The following NAA60 variants were observed in gnomAD, a reference collection of about 807,000 sequenced individuals.
NAA60 encodes N-alpha-acetyltransferase 60.
Under a neutral mutation model 26.1 loss-of-function variants are expected in NAA60, and 8 were observed. That is an observed-to-expected ratio of 0.31 (90% confidence interval 0.18 to 0.55). NAA60 has a LOEUF of 0.55. Ranked by LOEUF, NAA60 falls within the 20% of genes least tolerant of loss-of-function variation. The pLI, the probability that NAA60 is intolerant of heterozygous loss-of-function variation, is 0.93. For missense variants in NAA60, 290 were observed against 311.3 expected, an observed-to-expected ratio of 0.93 and a Z score of 0.51; for synonymous variants, 131 against 122.5, an observed-to-expected ratio of 1.07 and a Z score of -0.46.
chr16:3,471,907 G>A (rs1244447407), intron 2 of NAA60, among the ~76,000 whole-genome samples: 8 of 152,148 alleles, frequency 5.3e-5, no homozygotes, highest in Admixed American at 3.9e-4. Context: ...AGGCTGAATC[G>A]AGGAACCAGC....
At chr16:3,462,432 A>T (rs769878927) in intron 2 of NAA60, among the ~76,000 whole-genome samples, 10 of 151,928 alleles carry the variant, frequency 6.6e-5, no homozygotes, top group African/African-American at 1.5e-4. Flanking sequence ...GCTCATTCTG[A>T]CTCCTGCTGT....
At chr16:3,463,149 A>T (rs777808649) in intron 2 of NAA60, among the ~76,000 whole-genome samples, 1 of 152,152 alleles carries the variant, frequency 6.6e-6, no homozygotes, top group African/African-American at 2.4e-5. Context: ...CGCTGAGTCT[A>T]TTTTAGAGCA....
chr16:3,467,299 G>T (rs879915178), intron 2 of NAA60, among the ~76,000 whole-genome samples: 7 of 151,976 alleles, frequency 4.6e-5, no homozygotes, highest in Non-Finnish European at 1.0e-4. Flanking sequence ...CAGAGTGCAG[G>T]TAGGGACTGG....
chr16:3,466,187 CAT>C, intron 2 of NAA60, among the ~76,000 whole-genome samples: 1 of 152,368 alleles, frequency 6.6e-6, no homozygotes, highest in South Asian at 2.1e-4. Context: ...TCCAGAGTGT[CAT>C]AAAAACAGAA....
intron 3 of NAA60, 38 bp from the exon 4 acceptor site, chr16:3,479,433 C>T (rs554714836): frequency 1.9e-6 from 3 of 1,607,812 alleles, no homozygotes; most frequent in African/African-American, 2.7e-5. Context: ...TTGGACTTGA[C>T]CTGTGGCAGG....
chr16:3,476,738 T>C (rs532944132), intron 3 of NAA60, among the ~76,000 whole-genome samples: 3 of 152,316 alleles, frequency 2.0e-5, no homozygotes, highest in South Asian at 2.1e-4. Flanking sequence ...CAAAGAGTTA[T>C]ATTTTTTGAT....
In NAA60 at chr16:3,486,948, A is replaced by G. The variant is rs952622457; in HGVS notation, c.*1688A>G. On this transcript the variant is annotated 3_prime_UTR_variant, in exon 8 of 8. Transcript: ENST00000407558. Reference sequence around the variant, plus strand: ...ATTACGAGCAAATAAATAGACTTTCATTGGAGTTCGTCACATCCTGTTTCC... The same window carrying G: ...ATTACGAGCAAATAAATAGACTTTCGTTGGAGTTCGTCACATCCTGTTTCC... 2 of 152,466 alleles carry G rather than the reference A, an allele frequency of 1.3e-5. No individual in the cohort carries two copies. Among genetic ancestry groups the G allele is most frequent in the African/African-American group, 2.4e-5 (1 of 41,418 alleles). 9.4% of individuals were successfully genotyped at this position (152,466 alleles called of 1,614,324 possible).
At chr16:3,472,446 T>G (rs1471358516) in intron 2 of NAA60, 1 of 152,250 alleles carries the variant, frequency 6.6e-6, no homozygotes, top group Non-Finnish European at 1.5e-5. Flanking sequence ...AGACAGAATC[T>G]CACTCTATCG....
At chr16:3,458,245 A>T (rs1218610905) in intron 2 of NAA60, 558 of 426,314 alleles carry the variant, frequency 1.3e-3, no homozygotes, top group Middle Eastern at 3.7e-3. Flanking sequence ...GGGGCGGGGT[A>T]GGCGGGGAGG....
At chr16:3,477,123 C>T (rs904045249) in intron 3 of NAA60, among the ~76,000 whole-genome samples, 1 of 151,994 alleles carries the variant, frequency 6.6e-6, no homozygotes, top group Non-Finnish European at 1.5e-5. Context: ...TATTTGAAAA[C>T]ATGTACAAGA....
chr16:3,464,906 C>G (rs1405395376), intron 2 of NAA60, among the ~76,000 whole-genome samples: 1 of 152,202 alleles, frequency 6.6e-6, no homozygotes, highest in African/African-American at 2.4e-5. Context: ...CCTCAGTTGT[C>G]TCAAGCTGCT....
intron 1 of NAA60, chr16:3,447,460 T>C: frequency 1.0e-6 from 1 of 985,356 alleles, no homozygotes; most frequent in Non-Finnish European, 1.2e-6. Flanking sequence ...CTCACTACGT[T>C]TGGTGTGTTT....
intron 2 of NAA60, among the ~76,000 whole-genome samples, chr16:3,450,422 T>C (rs907247310): frequency 6.6e-6 from 1 of 152,240 alleles, no homozygotes; most frequent in East Asian, 1.9e-4. Context: ...GTGCTCCTGC[T>C]GGGCGCAGTG....
Position 3,482,495 on chromosome 16 carries a change from C to T in NAA60, c.241-7C>T. 1 of 1,590,750 alleles carries T rather than the reference C, an allele frequency of 6.3e-7. No homozygotes were observed. Among genetic ancestry groups the T allele is most frequent in the Non-Finnish European group, 8.6e-7 (1 of 1,167,312 alleles). ...GAGCCTGACTTTCTCTCTGACTCTT[C>T]CTCTAGGATGGAGATATTCTAGCAT... On this transcript the variant is annotated splice_region_variant and splice_polypyrimidine_tract_variant and intron_variant, in intron 4 of 7. Transcript: ENST00000407558.
intron 2 of NAA60, among the ~76,000 whole-genome samples, chr16:3,470,352 A>G (rs1009671306): frequency 6.6e-6 from 1 of 152,074 alleles, no homozygotes; most frequent in African/African-American, 2.4e-5. Flanking sequence ...CTGGAATGGA[A>G]CTCGCTATTC....
intron 3 of NAA60, 48 bp downstream of exon 3, chr16:3,476,385 T>G: frequency 6.5e-7 from 1 of 1,528,276 alleles, no homozygotes; most frequent in Middle Eastern, 1.7e-4. Flanking sequence ...GAGCCTCAGG[T>G]GCAGAAGCTG....
intron 2 of NAA60, chr16:3,458,009 G>T: frequency 1.0e-6 from 1 of 985,338 alleles, no homozygotes; most frequent in Non-Finnish European, 1.2e-6. Flanking sequence ...CTGCGCTGCC[G>T]GCAGGGAGCG....
chr16:3,448,241 T>C (rs1233340899), intron 1 of NAA60, among the ~76,000 whole-genome samples: 1 of 139,028 alleles, frequency 7.2e-6, no homozygotes, highest in African/African-American at 2.7e-5. Flanking sequence ...GCCACTGCAC[T>C]CCAGCTTGGA....
chr16:3,466,341 C>A (rs927425718), intron 2 of NAA60, among the ~76,000 whole-genome samples: 1 of 152,140 alleles, frequency 6.6e-6, no homozygotes, highest in East Asian at 1.9e-4. Context: ...TCTTGTCACC[C>A]GGCAAATGAT....
Sources: gnomAD v4.1 joint callset for allele counts (sites outside exome capture counted in the v4.1 genomes callset) on GRCh38, gnomAD v4.1.1 for gene constraint, MANE v1.5 for transcripts, NCBI Gene and HGNC (gene_info 2026-07-23, HGNC 2026-07-21) for gene names.